Variants in TTLL11 observed in about 807,000 individuals in gnomAD.
TTLL11 encodes tubulin tyrosine ligase like 11.
Under a neutral mutation model 51.7 loss-of-function variants are expected in TTLL11, and 42 were observed. The observed-to-expected ratio is 0.81, with a 90% CI of 0.64 to 1.05. The LOEUF (loss-of-function observed/expected upper bound fraction) is 1.05, where lower values mean the gene tolerates loss of function less well. Ranked by LOEUF, TTLL11 falls within the 50% of genes least tolerant of loss-of-function variation. The pLI, the probability that TTLL11 is intolerant of heterozygous loss-of-function variation, is 0.00. For synonymous variants in TTLL11, 381 were observed against 383.5 expected (o/e 0.99, Z 0.08); for missense variants, 799 against 940.4 (o/e 0.85, Z 1.97).
At chr9:121,918,049 A>G (rs77751752) in intron 6 of TTLL11, among the ~76,000 whole-genome samples, 4,205 of 152,236 alleles carry the variant, frequency 0.028, 83 homozygotes, top group Non-Finnish European at 0.041. Context: ...AAAGGGAAAC[A>G]TGAGGTGGGC....
rs575951167 is a variant in TTLL11, at chr9:121,918,159, G to A, written c.1482-47411C>T. Among the ~76,000 whole-genome samples, 9 of 152,276 alleles carry A rather than the reference G, an allele frequency of 5.9e-5. No homozygotes were observed. The South Asian group carries it at 1.0e-3, about 18-fold the overall frequency. On this transcript the variant is annotated intron_variant, in intron 6 of 8. Transcript: ENST00000321582. ...TGAGCTGCTGGAATTCATGGAGCAGGTTACTGGAGAGGAATCAGTCTGTGG... is the reference window on the plus strand; with the variant it reads ...TGAGCTGCTGGAATTCATGGAGCAGATTACTGGAGAGGAATCAGTCTGTGG...
At chr9:121,905,790 A>G (rs1294663974) in intron 6 of TTLL11, among the ~76,000 whole-genome samples, 1 of 152,164 alleles carries the variant, frequency 6.6e-6, no homozygotes. Flanking sequence ...GGATGAACCT[A>G]TTTGTGCAAA....
intron 8 of TTLL11, among the ~76,000 whole-genome samples, chr9:121,824,083 G>A (rs1836670518): frequency 6.6e-6 from 1 of 152,178 alleles, no homozygotes; most frequent in African/African-American, 2.4e-5. Context: ...ATGAGTGAAT[G>A]AATGAATGGG....
chr9:121,889,089 T>C (rs1402302266), intron 6 of TTLL11, among the ~76,000 whole-genome samples: 4 of 152,084 alleles, frequency 2.6e-5, no homozygotes. Flanking sequence ...CATCGTGAGT[T>C]TACTCTGTGG....
intron 8 of TTLL11, among the ~76,000 whole-genome samples, chr9:121,858,440 C>T (rs1329002339): frequency 2.6e-5 from 4 of 152,092 alleles, no homozygotes; most frequent in East Asian, 3.9e-4. Flanking sequence ...GAATTCTAGC[C>T]GGTGCTGCAC....
chr9:121,953,809 G>C (rs182756041), intron 6 of TTLL11, among the ~76,000 whole-genome samples: 1 of 152,040 alleles, frequency 6.6e-6, no homozygotes, highest in African/African-American at 2.4e-5. Flanking sequence ...GCTCACAATC[G>C]AAGCATGCTT....
At chr9:121,825,500 T>C (rs1184253619) in intron 8 of TTLL11, among the ~76,000 whole-genome samples, 3 of 152,212 alleles carry the variant, frequency 2.0e-5, no homozygotes, top group Non-Finnish European at 4.4e-5. Flanking sequence ...CACGTCTTCC[T>C]CTATAAAGGA....
rs1311439694 is a variant in TTLL11, at chr9:122,004,568, G to A, written c.694-14798C>T. Among the ~76,000 whole-genome samples, 3 of 152,088 alleles carry A rather than the reference G, an allele frequency of 2.0e-5. No homozygotes were observed. In the East Asian group the frequency reaches 5.8e-4, roughly 29 times the overall value. On this transcript the variant is annotated intron_variant, in intron 3 of 8. Transcript: ENST00000321582. ...GTGTTTCACCATGTTGGTCAGGCTG[G>A]TCTCAAACTCCTGACCTCAGGTGAT...
chr9:121,998,615 T>A (rs928984118), intron 3 of TTLL11, among the ~76,000 whole-genome samples: 4 of 151,178 alleles, frequency 2.6e-5, no homozygotes, highest in Non-Finnish European at 4.4e-5. Flanking sequence ...TGCAAGAATA[T>A]CAATGTCTTA....
chr9:121,830,098 T>C (rs544963268), intron 8 of TTLL11, among the ~76,000 whole-genome samples: 2 of 147,158 alleles, frequency 1.4e-5, no homozygotes, highest in Non-Finnish European at 2.9e-5. Context: ...ATCCACTGAA[T>C]AGAATGTGAA....
At chr9:122,048,971 C>A (rs1034620247) in intron 1 of TTLL11, among the ~76,000 whole-genome samples, 2 of 151,948 alleles carry the variant, frequency 1.3e-5, no homozygotes, top group Non-Finnish European at 2.9e-5. Context: ...TTGTTTTTAA[C>A]CTTTCTGAGG....
chr9:121,950,874 A>T (rs1841832298), intron 6 of TTLL11, among the ~76,000 whole-genome samples: 1 of 152,118 alleles, frequency 6.6e-6, no homozygotes, highest in African/African-American at 2.4e-5. Context: ...AATGAGGACA[A>T]TAATACCTTA....
intron 3 of TTLL11, among the ~76,000 whole-genome samples, chr9:121,992,767 C>T (rs1018304543): frequency 3.3e-5 from 5 of 152,154 alleles, no homozygotes; most frequent in East Asian, 1.9e-4. Flanking sequence ...CCTGGCACTC[C>T]GCGGGCCTAC....
chr9:121,985,151 T>A (rs1000189909), intron 4 of TTLL11, among the ~76,000 whole-genome samples: 1 of 152,226 alleles, frequency 6.6e-6, no homozygotes, highest in Admixed American at 6.5e-5. Flanking sequence ...TGGCTAGAGT[T>A]TATGTTCTGG....
chr9:121,865,201 G>A (rs530232512), intron 7 of TTLL11, among the ~76,000 whole-genome samples: 253 of 152,162 alleles, frequency 1.7e-3, no homozygotes, highest in African/African-American at 5.5e-3. Context: ...GGCCCCTTAC[G>A]CTCCTATTCT....
intron 1 of TTLL11, among the ~76,000 whole-genome samples, chr9:122,062,368 G>A (rs1845459037): frequency 6.6e-6 from 1 of 150,850 alleles, no homozygotes; most frequent in Non-Finnish European, 1.5e-5. Flanking sequence ...TATGACCTAC[G>A]ACTTGGTACA....
At chr9:121,861,573 T>C (rs1180460231) in intron 7 of TTLL11, among the ~76,000 whole-genome samples, 1 of 152,194 alleles carries the variant, frequency 6.6e-6, no homozygotes, top group Non-Finnish European at 1.5e-5. Context: ...AAACTCCACA[T>C]GTCAAGAAAT....
intron 1 of TTLL11, among the ~76,000 whole-genome samples, chr9:122,055,767 T>G (rs1199386283): frequency 1.3e-5 from 2 of 152,158 alleles, no homozygotes; most frequent in Non-Finnish European, 2.9e-5. Context: ...TAAATAGCCA[T>G]CATATCCTCA....
rs1839669872 is a variant in TTLL11, at chr9:121,899,378, C to CATATACATATATATAT, written c.1482-28631_1482-28630insATATATATATGTATAT. Among the ~76,000 whole-genome samples, 9 of 130,458 alleles carry CATATACATATATATAT rather than the reference C, an allele frequency of 6.9e-5. No homozygotes were observed. In the Admixed American group the frequency reaches 7.4e-4, roughly 11 times the overall value. The allele number at this position is 130,458 out of a possible 152,430, so 85.6% of individuals were successfully genotyped here. A position where few individuals can be genotyped will look rare whatever the true frequency, so the allele number is the denominator to read the frequency against. ...GTATGTGTGTGTGTATATATATATACATATATATATATATATATATATATA... is the reference window on the plus strand; with the variant it reads ...GTATGTGTGTGTGTATATATATATACATATACATATATATATATATATATATATATATATATATATA... On this transcript the variant is annotated intron_variant, in intron 6 of 8. Transcript: ENST00000321582.
Sources: gnomAD v4.1 joint callset for allele counts (sites outside exome capture counted in the v4.1 genomes callset) on GRCh38, gnomAD v4.1.1 for gene constraint, MANE v1.5 for transcripts, NCBI Gene and HGNC (gene_info 2026-07-23, HGNC 2026-07-21) for gene names.